PILRB: variants seen among roughly 807,000 people sequenced by gnomAD.
PILRB encodes the protein paired immunoglobin like type 2 receptor beta.
PILRB carries 21 observed loss-of-function variants against 20.5 expected under a neutral mutation model. That is an observed-to-expected ratio of 1.02 (90% CI 0.72 to 1.47). PILRB has a LOEUF of 1.47. PILRB is among the 40% of genes most tolerant of loss of function. The probability of loss-of-function intolerance (pLI) is 0.00; values close to 1 mark genes in which losing one functional copy is unlikely to be tolerated. For synonymous variants in PILRB, 133 were observed against 115.1 expected (o/e 1.16, Z -0.99); for missense variants, 253 against 272.1 (o/e 0.93, Z 0.49).
chr7:100,361,902 A>AC (rs1790537879), intron 3 of PILRB, among the ~76,000 whole-genome samples: 1 of 152,078 alleles, frequency 6.6e-6, no homozygotes, highest in Non-Finnish European at 1.5e-5. Flanking sequence ...TAGAGTGGAG[A>AC]CAGTCAGTAT....
At chr7:100,363,618 T>C (rs189638922) in intron 3 of PILRB, among the ~76,000 whole-genome samples, 65 of 152,232 alleles carry the variant, frequency 4.3e-4, no homozygotes, top group Admixed American at 1.5e-3. Context: ...AATCTCCAGA[T>C]CCAATGCAAA....
chr7:100,361,862 A>G (rs1477232493), intron 3 of PILRB, among the ~76,000 whole-genome samples: 1 of 152,154 alleles, frequency 6.6e-6, no homozygotes, highest in African/African-American at 2.4e-5. Flanking sequence ...CAACTTCCTC[A>G]TGGAAGCACG....
chr7:100,360,827 G>A (rs191635091), intron 3 of PILRB, among the ~76,000 whole-genome samples: 249 of 152,342 alleles, frequency 1.6e-3, no homozygotes, highest in African/African-American at 5.6e-3. Flanking sequence ...TTTCCACTTG[G>A]GTGCATGGGG....
chr7:100,364,803 A>G (rs536646027), intron 3 of PILRB, among the ~76,000 whole-genome samples: 1 of 152,262 alleles, frequency 6.6e-6, no homozygotes, highest in Admixed American at 6.5e-5. Flanking sequence ...ATCAACTGAA[A>G]TGTCCATCAA....
chr7:100,364,068 A>G (rs1006854744), intron 3 of PILRB, among the ~76,000 whole-genome samples: 6 of 151,396 alleles, frequency 4.0e-5, no homozygotes, highest in East Asian at 3.9e-4. Flanking sequence ...AGATCACGCC[A>G]TTGCATTCCA....
rs201780378 is a variant in PILRB at position 100,367,372 on chromosome 7, T to G, written c.679T>G (p.Phe227Val). The change falls in exon 4 of 4, where the codon TTC becomes GTC. Residue 227 changes from phenylalanine (F) to valine (V), a missense_variant. Phe to Val is a conservative substitution (Grantham distance 50, BLOSUM62 -1). Coordinates refer to ENST00000609309, the MANE Select transcript of PILRB (RefSeq NM_178238.4). ...RKGSRAPSSD[F>V] ...AGGTAGCAGGGCGCCAAGCAGTGACTTCTGACCAACAGAGTGTGGGGAGAA... is the reference window on the plus strand; with the variant it reads ...AGGTAGCAGGGCGCCAAGCAGTGACGTCTGACCAACAGAGTGTGGGGAGAA... 3.8e-6 allele frequency: 3 copies of G among 780,978 alleles called. No homozygotes were observed. Among genetic ancestry groups the G allele is most frequent in the Non-Finnish European group, 7.2e-6 (3 of 418,072 alleles). 48.4% of individuals were successfully genotyped at this position (780,978 alleles called of 1,614,324 possible).
At chr7:100,364,504 T>C (rs1333286892) in intron 3 of PILRB, among the ~76,000 whole-genome samples, 1 of 152,140 alleles carries the variant, frequency 6.6e-6, no homozygotes. Context: ...TCAAGGTTGT[T>C]TGACTCCAGG....
intron 1 of PILRB, 142 bp downstream of exon 1, chr7:100,358,508 C>T: frequency 2.4e-6 from 3 of 1,252,964 alleles, no homozygotes; most frequent in Non-Finnish European, 3.3e-6. Flanking sequence ...GTGGGTGCCG[C>T]CATCTCTTCC....
intron 3 of PILRB, among the ~76,000 whole-genome samples, chr7:100,362,514 CTT>C (rs1193632079): frequency 1.4e-5 from 2 of 145,062 alleles, no homozygotes. Flanking sequence ...AACACCTTTC[CTT>C]TTTTTTTTTT....
Position 100,359,054 on chromosome 7 carries a change from G to A in PILRB, c.429G>A (p.Lys143=). Residue 143 remains lysine, a synonymous_variant, in exon 2 of 4, where the codon AAG becomes AAA. Transcript: ENST00000609309. ...RSGRQQLQSI[K]GTKLTITQAV... The stretch of plus-strand genomic sequence containing the variant: ...GGAGGCAGCAGTTGCAGTCCATCAA[G>A]GGGACCAAACTCACCATCACCCAGG... 6.2e-7 allele frequency: 1 copy of A among 1,614,114 alleles called. No individual in the cohort carries two copies. The highest frequency in any genetic ancestry group is 1.1e-5 in the South Asian group (1 of 91,084).
chr7:100,364,811 C>G (rs1179704358), intron 3 of PILRB, among the ~76,000 whole-genome samples: 2 of 152,116 alleles, frequency 1.3e-5, no homozygotes, highest in Non-Finnish European at 2.9e-5. Context: ...AAATGTCCAT[C>G]AAACAAAATA....
chr7:100,365,949 G>GTTTT (rs769960565), intron 3 of PILRB, among the ~76,000 whole-genome samples: 12 of 127,788 alleles, frequency 9.4e-5, no homozygotes, highest in Non-Finnish European at 1.2e-4. Flanking sequence ...ATTCTAGGTG[G>GTTTT]TTTTTTTTTT....
At chr7:100,361,253 C>T (rs760215545) in intron 3 of PILRB, among the ~76,000 whole-genome samples, 3 of 151,970 alleles carry the variant, frequency 2.0e-5, no homozygotes, top group Non-Finnish European at 4.4e-5. Flanking sequence ...ATCTGTTATA[C>T]GGGAGATCCA....
intron 3 of PILRB, among the ~76,000 whole-genome samples, chr7:100,365,328 C>A (rs1372130472): frequency 3.3e-5 from 5 of 152,150 alleles, no homozygotes; most frequent in African/African-American, 1.2e-4. Context: ...GAAATTCTTA[C>A]ACATGCTGTA....
intron 3 of PILRB, 47 bp downstream of exon 3, chr7:100,359,584 T>C (rs1447244366): frequency 6.5e-7 from 1 of 1,536,850 alleles, no homozygotes; most frequent in Non-Finnish European, 9.0e-7. Context: ...CAGCTGGGGG[T>C]TTCTCTGAGC....
chr7:100,361,024 C>T (rs969829891), intron 3 of PILRB, among the ~76,000 whole-genome samples: 2 of 152,180 alleles, frequency 1.3e-5, no homozygotes, highest in African/African-American at 4.8e-5. Context: ...CAAGCTCCCC[C>T]TCCTGGGTTC....
chr7:100,359,141 A>T (rs1178715196), intron 2 of PILRB, 62 bp downstream of exon 2: 1 of 1,597,890 alleles, frequency 6.3e-7, no homozygotes, highest in Non-Finnish European at 8.6e-7. Context: ...GTGACCACTG[A>T]TGTCTTCACA....
At chr7:100,366,504 G>A (rs536089135) in intron 3 of PILRB, among the ~76,000 whole-genome samples, 12 of 152,226 alleles carry the variant, frequency 7.9e-5, no homozygotes, top group African/African-American at 2.6e-4. Flanking sequence ...GGGAAACACT[G>A]CAAGGATGCC....
chr7:100,363,906 C>A (rs531809073), intron 3 of PILRB, among the ~76,000 whole-genome samples: 1 of 152,008 alleles, frequency 6.6e-6, no homozygotes, highest in East Asian at 1.9e-4. Context: ...ATTAGGAGTT[C>A]GAGACCAGCC....
Sources: allele counts gnomAD v4.1 joint callset (sites outside exome capture counted in the v4.1 genomes callset), GRCh38; gene constraint gnomAD v4.1.1; transcripts MANE v1.5; gene names NCBI Gene and HGNC (gene_info 2026-07-23, HGNC 2026-07-21).